Variants in NLGN1 observed in about 807,000 individuals in gnomAD.
The protein encoded by NLGN1 is neuroligin 1.
A neutral mutation model predicts 65.5 loss-of-function variants in NLGN1; 12 were observed. The observed-to-expected ratio is 0.18, with a 90% confidence interval of 0.12 to 0.30. The LOEUF (loss-of-function observed/expected upper bound fraction) is 0.30. Ranked by LOEUF, NLGN1 falls within the 10% of genes least tolerant of loss-of-function variation. NLGN1 has a pLI of 1.00. For synonymous variants in NLGN1, 350 were observed against 359.5 expected (o/e 0.97, Z 0.30); for missense variants, 750 against 1,007.1 (o/e 0.74, Z 3.46).
At chr3:173,840,317 T>C (rs1421773509) in intron 4 of NLGN1, among the ~76,000 whole-genome samples, 2 of 152,180 alleles carry the variant, frequency 1.3e-5, no homozygotes, top group Non-Finnish European at 2.9e-5. Context: ...ATTATCATAT[T>C]TGGTATTTGA....
intron 4 of NLGN1, among the ~76,000 whole-genome samples, chr3:173,944,392 A>C (rs760906881): frequency 6.6e-6 from 1 of 152,172 alleles, no homozygotes; most frequent in Non-Finnish European, 1.5e-5. Context: ...CATGAAGTCA[A>C]TAGAAACCAT....
At chr3:173,516,808 G>A (rs1733889746) in intron 2 of NLGN1, among the ~76,000 whole-genome samples, 1 of 152,002 alleles carries the variant, frequency 6.6e-6, no homozygotes, top group African/African-American at 2.4e-5. Context: ...AAGAGTATTA[G>A]CAGAAGACCA....
chr3:173,483,882 G>C (rs563537424), intron 2 of NLGN1, among the ~76,000 whole-genome samples: 2 of 152,242 alleles, frequency 1.3e-5, no homozygotes, highest in East Asian at 3.9e-4. Flanking sequence ...ACAGATCAAA[G>C]GGTATGTCCA....
chr3:173,451,447 G>C (rs967512148), intron 2 of NLGN1, among the ~76,000 whole-genome samples: 2 of 152,138 alleles, frequency 1.3e-5, no homozygotes, highest in African/African-American at 4.8e-5. Flanking sequence ...GTACCTGGCC[G>C]TGTGAGGTGT....
At chr3:173,601,124 C>T (rs1750467517) in intron 2 of NLGN1, among the ~76,000 whole-genome samples, 2 of 151,950 alleles carry the variant, frequency 1.3e-5, no homozygotes, top group African/African-American at 4.8e-5. Flanking sequence ...ACTTCGAAGT[C>T]AGACGAAGCT....
At chr3:174,263,086 A>G (rs1170901639) in intron 4 of NLGN1, among the ~76,000 whole-genome samples, 2 of 145,664 alleles carry the variant, frequency 1.4e-5, no homozygotes, top group Admixed American at 1.4e-4. Flanking sequence ...ACATTTGCTG[A>G]GGAGAGCTTT....
chr3:173,798,984 T>G (rs1406807466), intron 3 of NLGN1, among the ~76,000 whole-genome samples: 1 of 152,054 alleles, frequency 6.6e-6, no homozygotes, highest in African/African-American at 2.4e-5. Context: ...TAATGAATAG[T>G]AATCTCGGAA....
At chr3:174,073,307 A>T (rs574812204) in intron 4 of NLGN1, among the ~76,000 whole-genome samples, 1 of 152,290 alleles carries the variant, frequency 6.6e-6, no homozygotes, top group African/African-American at 2.4e-5. Flanking sequence ...GTTTTAGTTT[A>T]TATTTAATTA....
At chr3:173,794,684 A>G (rs1445946921) in intron 3 of NLGN1, among the ~76,000 whole-genome samples, 10 of 152,178 alleles carry the variant, frequency 6.6e-5, no homozygotes. Flanking sequence ...ATAAAAATCA[A>G]ACAAATATAG....
intron 3 of NLGN1, among the ~76,000 whole-genome samples, chr3:173,760,583 C>A (rs865868184): frequency 1.3e-5 from 2 of 151,832 alleles, no homozygotes; most frequent in Admixed American, 6.6e-5. Context: ...ATCCAGATTA[C>A]CCTTTTATGC....
At chr3:173,923,014 A>T (rs751004503) in intron 4 of NLGN1, among the ~76,000 whole-genome samples, 1 of 152,148 alleles carries the variant, frequency 6.6e-6, no homozygotes, top group Non-Finnish European at 1.5e-5. Context: ...AATTATTATC[A>T]TCATCGTCAT....
At chr3:173,915,775 C>T in intron 4 of NLGN1, among the ~76,000 whole-genome samples, 1 of 152,032 alleles carries the variant, frequency 6.6e-6, no homozygotes, top group African/African-American at 2.4e-5. Flanking sequence ...ATTGAATAGC[C>T]TTTTTCTTTC....
At chr3:174,101,766 A>C (rs1243583379) in intron 4 of NLGN1, among the ~76,000 whole-genome samples, 1 of 152,198 alleles carries the variant, frequency 6.6e-6, no homozygotes, top group African/African-American at 2.4e-5. Context: ...GACTAGAAAA[A>C]TGACTGACTG....
downstream of NLGN1, among the ~76,000 whole-genome samples, chr3:174,291,068 C>A: frequency 6.7e-6 from 1 of 149,350 alleles, no homozygotes; most frequent in Non-Finnish European, 1.5e-5. Flanking sequence ...AAAGGAAATG[C>A]AGACCAAAGA....
intron 1 of NLGN1, among the ~76,000 whole-genome samples, chr3:173,427,108 G>T (rs1716250798): frequency 6.6e-6 from 1 of 151,754 alleles, no homozygotes; most frequent in Admixed American, 6.6e-5. Flanking sequence ...ATTTGTTGGT[G>T]TATGGTTCTT....
intron 4 of NLGN1, among the ~76,000 whole-genome samples, chr3:174,031,137 A>G (rs1729946521): frequency 6.6e-6 from 1 of 152,316 alleles, no homozygotes. Context: ...CTTCTTTGGT[A>G]GTATCTAAGC....
In NLGN1 at chr3:173,734,381, A is replaced by ATTTTTTTTTTTTTTT. The variant is rs71162356; in HGVS notation, c.494-73281_494-73267dup. Among the ~76,000 whole-genome samples, 246 of 40,084 alleles carry ATTTTTTTTTTTTTTT rather than the reference A, an allele frequency of 6.1e-3. 14 individuals are homozygous for ATTTTTTTTTTTTTTT. The highest frequency in any genetic ancestry group is 7.9e-3 in the Non-Finnish European group (196 of 24,788). The allele number at this position is 40,084 out of a possible 152,430, so 26.3% of individuals were successfully genotyped here. On this transcript the variant is annotated intron_variant, in intron 3 of 6. Coordinates refer to ENST00000457714, the Ensembl canonical transcript of NLGN1. ...ATAATTAGATTCTGTGGATAATTCT[A>ATTTTTTTTTTTTTTT]TTTTTTTTTTTTTTTTTTTTTTTTT...
chr3:174,203,445 G>C lies in NLGN1; in HGVS notation c.647-71870G>C, dbSNP rs546818863. ...TGTTCTTGGGCAGTTCGATGTGGAT[G>C]AATCTTGTGAGACAGGGAAGCCATG... On this transcript the variant is annotated intron_variant, in intron 4 of 6. Transcript: ENST00000457714. Among the ~76,000 whole-genome samples the C allele has an allele frequency of 1.2e-4, 19 of 152,320 alleles. No individual in the cohort carries two copies. The South Asian group carries it at 3.7e-3, about 30-fold the overall frequency.
intron 4 of NLGN1, among the ~76,000 whole-genome samples, chr3:174,265,779 ATATG>A (rs1346060822): frequency 6.9e-4 from 88 of 127,258 alleles, no homozygotes; most frequent in African/African-American, 2.7e-3. Context: ...ATATATATAT[ATATG>A]TATATATATA....
Sources: gnomAD v4.1 joint callset for allele counts (sites outside exome capture counted in the v4.1 genomes callset) on GRCh38, gnomAD v4.1.1 for gene constraint, MANE v1.5 for transcripts, NCBI Gene and HGNC (gene_info 2026-07-23, HGNC 2026-07-21) for gene names.